Variants in AASS observed in about 807,000 individuals in gnomAD.
The protein encoded by AASS is alpha-aminoadipic semialdehyde synthase, mitochondrial.
In AASS, 86 loss-of-function variants were observed where a neutral mutation model predicts 105.4. The ratio of observed to expected loss-of-function variants is 0.82; its 90% CI spans 0.69 to 0.98. AASS has a LOEUF of 0.98. Ranked by LOEUF, AASS falls within the 50% of genes least tolerant of loss-of-function variation. The pLI, the probability that AASS is intolerant of heterozygous loss-of-function variation, is 0.00. For synonymous variants in AASS, 381 were observed against 394.8 expected (o/e 0.96, Z 0.41); for missense variants, 1,048 against 1,143.2 (o/e 0.92, Z 1.20).
intron 11 of AASS, among the ~76,000 whole-genome samples, chr7:122,110,607 T>C (rs1408610292): frequency 6.6e-6 from 1 of 151,882 alleles, no homozygotes; most frequent in Non-Finnish European, 1.5e-5. Flanking sequence ...AATAAGGAAA[T>C]ACTCTCTAAC....
At chr7:122,117,861 G>A (rs910556429) in intron 6 of AASS, among the ~76,000 whole-genome samples, 36 of 151,848 alleles carry the variant, frequency 2.4e-4, no homozygotes, top group African/African-American at 8.7e-4. Flanking sequence ...TTACCATATT[G>A]GCCAGGTTGG....
intron 4 of AASS, among the ~76,000 whole-genome samples, chr7:122,122,637 C>T (rs559420198): frequency 2.7e-4 from 41 of 152,226 alleles, no homozygotes; most frequent in Admixed American, 7.8e-4. Context: ...TCAATGTGCT[C>T]AAGGATTAAA....
intron 20 of AASS, 116 bp downstream of exon 20, chr7:122,081,384 C>T: frequency 2.3e-6 from 2 of 854,438 alleles, no homozygotes; most frequent in East Asian, 4.8e-5. Context: ...ATTTATCTTC[C>T]TGCTCATAAG....
intron 2 of AASS, among the ~76,000 whole-genome samples, chr7:122,130,954 G>A (rs2150551437): frequency 6.6e-6 from 1 of 150,756 alleles, no homozygotes; most frequent in East Asian, 1.9e-4. Flanking sequence ...GGTTAAAAGA[G>A]TGTATATAGT....
At position 122,113,130 on chromosome 7, in the gene AASS, A is replaced by T. The variant is rs781200479; in HGVS notation, c.1266T>A (p.Tyr422Ter). The part of the protein sequence containing the change: ...TECFGDMLYP[Y>*]VEEMILSDAT... ...CCAGTCTGCTTACCATTTCTTCAAC[A>T]TAAGGGTAAAGCATGTCTCCAAAGC... is the stretch of plus-strand genomic sequence containing the variant. The change falls in exon 11 of 24, where the codon TAT becomes TAA. Residue 422 changes from tyrosine (Y) to a stop codon, truncating the protein, a stop_gained. Coordinates refer to ENST00000417368, the MANE Select transcript of AASS (RefSeq NM_005763.4). LOFTEE classifies it high-confidence loss of function. 1 of 1,613,604 alleles carries T rather than the reference A, an allele frequency of 6.2e-7. No homozygotes were observed. Among genetic ancestry groups the T allele is most frequent in the African/African-American group, 1.3e-5 (1 of 74,928 alleles).
rs140741071 is a variant in AASS, at chr7:122,086,135, C to T, written c.2061G>A (p.Thr687=). Residue 687 remains threonine, a synonymous_variant, in exon 19 of 24, where the codon ACG becomes ACA. Transcript: ENST00000417368. ...TTAATCCTGGAAAAAAATCCATGGA[C>T]GTAACGGCATCAAGAAAGGAGATGC... ...AGGISFLDAV[T]SMDFFPGLNL... 32 of 1,613,318 alleles carry T rather than the reference C, an allele frequency of 2.0e-5. No individual in the cohort carries two copies. In the African/African-American group the frequency reaches 2.5e-4, roughly 13 times the overall value.
intron 13 of AASS, 137 bp downstream of exon 13, chr7:122,101,234 T>C: frequency 2.7e-6 from 2 of 753,918 alleles, no homozygotes; most frequent in Non-Finnish European, 4.4e-6. Flanking sequence ...TTGGATTTCC[T>C]ACATTTTCAA....
chr7:122,082,467 C>T (rs1038626726), intron 19 of AASS, among the ~76,000 whole-genome samples: 17 of 152,148 alleles, frequency 1.1e-4, no homozygotes, highest in Non-Finnish European at 1.0e-4. Context: ...AGTGGGCACT[C>T]CCTTCTTGTA....
intron 9 of AASS, among the ~76,000 whole-genome samples, chr7:122,114,862 C>A (rs1220138069): frequency 6.6e-6 from 1 of 151,572 alleles, no homozygotes; most frequent in African/African-American, 2.4e-5. Context: ...GGAAACATAA[C>A]AAGACCCCAT....
At chr7:122,120,441 T>G (rs1323472403) in intron 4 of AASS, among the ~76,000 whole-genome samples, 2 of 152,050 alleles carry the variant, frequency 1.3e-5, no homozygotes, top group Non-Finnish European at 2.9e-5. Context: ...AAATATTGTC[T>G]TCTCTCTTTT....
At chr7:122,110,518 C>T (rs776749030) in intron 11 of AASS, among the ~76,000 whole-genome samples, 4 of 151,690 alleles carry the variant, frequency 2.6e-5, no homozygotes, top group East Asian at 1.9e-4. Flanking sequence ...AAAAATGCTA[C>T]CAACCCAAAT....
Position 122,079,316 on chromosome 7 carries a change from A to G in AASS, c.2396+281T>C, listed in dbSNP as rs1357425779. On this transcript the variant is annotated intron_variant, in intron 21 of 23. Coordinates refer to ENST00000417368, the MANE Select transcript of AASS (RefSeq NM_005763.4). ...TGTTTTCATGTAATATTCTATGACT[A>G]CTCCAAATCTCCTACAGGAAAGCAA... 2.1e-5 allele frequency: 29 copies of G among 1,354,998 alleles called. No individual in the cohort carries two copies. In the East Asian group the frequency reaches 6.9e-4, roughly 32 times the overall value. The allele number at this position is 1,354,998 out of a possible 1,614,324, so 83.9% of individuals were successfully genotyped here.
In AASS at chr7:122,119,106, C is replaced by T. The variant is rs375988368; in HGVS notation, c.473-476G>A. On this transcript the variant is annotated intron_variant, in intron 4 of 23. Coordinates refer to ENST00000417368, the MANE Select transcript of AASS (RefSeq NM_005763.4). ...CTATTTAGTGACCTAAATAGCTAAA[C>T]TCAGTGAACACATTGTAGATCAGAT... is the stretch of plus-strand genomic sequence containing the variant. Among the ~76,000 whole-genome samples, 3 of 152,150 alleles carry T rather than the reference C, an allele frequency of 2.0e-5. No homozygotes were observed. In the East Asian group the frequency reaches 5.8e-4, roughly 29 times the overall value.
chr7:122,142,291 TA>T (rs1796438098), intron 1 of AASS, among the ~76,000 whole-genome samples: 1 of 152,088 alleles, frequency 6.6e-6, no homozygotes, highest in Non-Finnish European at 1.5e-5. Context: ...CAATAAATTT[TA>T]AGAAAAGAAA....
chr7:122,092,766 A>G, intron 17 of AASS, 77 bp downstream of exon 17: 8 of 1,218,424 alleles, frequency 6.6e-6, no homozygotes, highest in Non-Finnish European at 9.7e-6. Context: ...GTGTTGCTAT[A>G]TTATAACTCA....
In AASS at chr7:122,119,707, C is replaced by T. The variant is rs368040767; in HGVS notation, c.473-1077G>A. On this transcript the variant is annotated intron_variant, in intron 4 of 23. Coordinates refer to ENST00000417368, the MANE Select transcript of AASS (RefSeq NM_005763.4). The stretch of plus-strand genomic sequence containing the variant: ...ACAAATATACACATCTGTGTTATTA[C>T]CGCCATGATCAAGATACAGAGTATT... Among the ~76,000 whole-genome samples the T allele has an allele frequency of 3.3e-5, 5 of 152,284 alleles. No individual in the cohort carries two copies. In the East Asian group the frequency reaches 9.6e-4, roughly 29 times the overall value.
At chr7:122,107,587 T>A (rs1794725930) in intron 11 of AASS, among the ~76,000 whole-genome samples, 1 of 152,156 alleles carries the variant, frequency 6.6e-6, no homozygotes, top group South Asian at 2.1e-4. Context: ...AATGAGATCA[T>A]GTCTTTTGCA....
At chr7:122,111,816 A>G (rs1794949717) in intron 11 of AASS, among the ~76,000 whole-genome samples, 1 of 152,132 alleles carries the variant, frequency 6.6e-6, no homozygotes, top group African/African-American at 2.4e-5. Flanking sequence ...GGCAGGAAGA[A>G]TCGCTTGAAC....
chr7:122,085,207 A>T (rs1647206371), intron 19 of AASS, among the ~76,000 whole-genome samples: 1 of 152,102 alleles, frequency 6.6e-6, no homozygotes, highest in South Asian at 2.1e-4. Context: ...CACCAACCCT[A>T]CTCACACACA....
Sources: allele counts gnomAD v4.1 joint callset (sites outside exome capture counted in the v4.1 genomes callset), GRCh38; gene constraint gnomAD v4.1.1; transcripts MANE v1.5; gene names NCBI Gene and HGNC (gene_info 2026-07-23, HGNC 2026-07-21).